The following DLG2 variants were observed in gnomAD, a reference collection of about 807,000 sequenced individuals.
The protein encoded by DLG2 is discs large MAGUK scaffold protein 2.
In DLG2, 45 loss-of-function variants were observed where a neutral mutation model predicts 132.5. The observed-to-expected ratio is 0.34, with a 90% CI of 0.27 to 0.44. The LOEUF (loss-of-function observed/expected upper bound fraction) is 0.44. Ranked by LOEUF, DLG2 falls within the 20% of genes least tolerant of loss-of-function variation. DLG2 has a pLI of 1.00. For synonymous variants in DLG2, 424 were observed against 419.6 expected (o/e 1.01, Z -0.13); for missense variants, 1,045 against 1,196.9 (o/e 0.87, Z 1.87).
intron 17 of DLG2, among the ~76,000 whole-genome samples, chr11:83,829,407 G>A (rs1472666030): frequency 6.6e-6 from 1 of 151,972 alleles, no homozygotes; most frequent in East Asian, 1.9e-4. Flanking sequence ...ATGTTGGCCT[G>A]GCTGGTCTCA....
intron 6 of DLG2, among the ~76,000 whole-genome samples, chr11:84,841,244 T>C (rs1269105904): frequency 6.6e-6 from 1 of 151,992 alleles, no homozygotes; most frequent in East Asian, 1.9e-4. Context: ...ATTACTTTTA[T>C]ATAAGAAAGG....
At chr11:83,965,556 T>G in intron 12 of DLG2, 88 bp from the exon 13 acceptor site, 1 of 1,083,848 alleles carries the variant, frequency 9.2e-7, no homozygotes, top group Non-Finnish European at 1.3e-6. Flanking sequence ...GAATTATAAA[T>G]TGTGATAATT....
At chr11:84,570,185 A>T (rs1565330145) in intron 6 of DLG2, among the ~76,000 whole-genome samples, 2 of 152,140 alleles carry the variant, frequency 1.3e-5, no homozygotes, top group African/African-American at 2.4e-5. Context: ...CTCTAAATAT[A>T]TTCAGTTACT....
intron 19 of DLG2, among the ~76,000 whole-genome samples, chr11:83,609,258 C>T (rs1207039781): frequency 1.3e-5 from 2 of 152,186 alleles, no homozygotes; most frequent in Admixed American, 1.3e-4. Flanking sequence ...TAGACATGCC[C>T]TTCTATACCA....
chr11:83,834,676 A>G (rs572498611), intron 16 of DLG2, among the ~76,000 whole-genome samples: 1 of 152,336 alleles, frequency 6.6e-6, no homozygotes, highest in South Asian at 2.1e-4. Flanking sequence ...AGAGGACTAT[A>G]AATACATATT....
chr11:84,746,134 AT>A (rs887691878), intron 6 of DLG2, among the ~76,000 whole-genome samples: 21 of 152,062 alleles, frequency 1.4e-4, no homozygotes, highest in African/African-American at 4.8e-4. Context: ...ATAACAACAT[AT>A]TTTGACAGCT....
intron 6 of DLG2, among the ~76,000 whole-genome samples, chr11:84,663,466 C>T (rs959965109): frequency 6.6e-6 from 1 of 151,982 alleles, no homozygotes; most frequent in Non-Finnish European, 1.5e-5. Flanking sequence ...AAGGCAGGTA[C>T]CTTTTCTTAT....
At chr11:85,620,415 C>T (rs1169230244) in intron 2 of DLG2, among the ~76,000 whole-genome samples, 3 of 152,180 alleles carry the variant, frequency 2.0e-5, no homozygotes. Flanking sequence ...GGAAACGTTA[C>T]ACATTTCTCA....
At chr11:85,022,194 GTC>G (rs370431556) in intron 6 of DLG2, among the ~76,000 whole-genome samples, 177 of 151,840 alleles carry the variant, frequency 1.2e-3, no homozygotes, top group African/African-American at 4.1e-3. Context: ...AATAAGGTGA[GTC>G]TATATATCAA....
intron 5 of DLG2, among the ~76,000 whole-genome samples, chr11:85,132,551 T>C (rs2075801156): frequency 6.6e-6 from 1 of 152,018 alleles, no homozygotes; most frequent in South Asian, 2.1e-4. Context: ...CAAATTCTCC[T>C]TCCATTTGCA....
intron 3 of DLG2, among the ~76,000 whole-genome samples, chr11:85,492,923 A>G (rs2093594604): frequency 1.3e-5 from 2 of 152,158 alleles, no homozygotes; most frequent in Non-Finnish European, 2.9e-5. Flanking sequence ...AAGTCACAAC[A>G]TCAGACATTT....
chr11:84,733,794 C>T (rs1196660693), intron 6 of DLG2, among the ~76,000 whole-genome samples: 1 of 152,058 alleles, frequency 6.6e-6, no homozygotes, highest in Non-Finnish European at 1.5e-5. Flanking sequence ...GTCTTTAATC[C>T]ATCTTGAACT....
intron 11 of DLG2, among the ~76,000 whole-genome samples, chr11:83,984,217 GAT>G (rs1565911434): frequency 0.018 from 2,684 of 151,548 alleles, 92 homozygotes; most frequent in African/African-American, 0.06. Context: ...TAGATAGATA[GAT>G]AGATAGATAG....
intron 6 of DLG2, among the ~76,000 whole-genome samples, chr11:84,703,764 C>A (rs924477625): frequency 2.0e-5 from 3 of 149,440 alleles, no homozygotes; most frequent in Non-Finnish European, 1.5e-5. Context: ...AATAAAAATA[C>A]ATTTTTTAGA....
chr11:85,024,961 T>A (rs1006775981), intron 6 of DLG2, among the ~76,000 whole-genome samples: 1 of 152,190 alleles, frequency 6.6e-6, no homozygotes, highest in African/African-American at 2.4e-5. Context: ...ATTCCATTGA[T>A]TGGCAAAATA....
intron 6 of DLG2, among the ~76,000 whole-genome samples, chr11:84,727,130 G>A (rs748563999): frequency 2.0e-5 from 3 of 152,142 alleles, no homozygotes. Context: ...TTTGGCTTTT[G>A]TTGCCATTGT....
At chr11:85,503,173 G>A (rs2093844235) in intron 3 of DLG2, among the ~76,000 whole-genome samples, 1 of 152,048 alleles carries the variant, frequency 6.6e-6, no homozygotes, top group Non-Finnish European at 1.5e-5. Flanking sequence ...TTATTACACT[G>A]TATAGTAATT....
intron 5 of DLG2, among the ~76,000 whole-genome samples, chr11:85,139,343 A>ACTTT (rs1234011744): frequency 1.3e-5 from 2 of 152,224 alleles, no homozygotes; most frequent in East Asian, 3.9e-4. Flanking sequence ...GAAACTCTTT[A>ACTTT]AAAAGTATAT....
chr11:84,665,802 T>C (rs528384515), intron 6 of DLG2, among the ~76,000 whole-genome samples: 5 of 152,302 alleles, frequency 3.3e-5, no homozygotes, highest in Non-Finnish European at 5.9e-5. Context: ...GCTTGATACC[T>C]AGTCAATGAT....
Sources: allele counts gnomAD v4.1 joint callset (sites outside exome capture counted in the v4.1 genomes callset), GRCh38; gene constraint gnomAD v4.1.1; transcripts MANE v1.5; gene names NCBI Gene and HGNC (gene_info 2026-07-23, HGNC 2026-07-21).